FER1L5: variants seen among roughly 807,000 people sequenced by gnomAD.
FER1L5 encodes fer-1 like family member 5.
FER1L5 carries 187 observed loss-of-function variants against 279.9 expected under a neutral mutation model. That is an observed-to-expected ratio of 0.67 (90% CI 0.59 to 0.75). The LOEUF (loss-of-function observed/expected upper bound fraction) is 0.75, where lower values mean the gene tolerates loss of function less well. Ranked by LOEUF, FER1L5 falls within the 30% of genes least tolerant of loss-of-function variation. The pLI is 0.00. For missense variants in FER1L5, 2,091 were observed against 2,594.4 expected, an observed-to-expected ratio of 0.81 and a Z score of 4.21; for synonymous variants, 921 against 989.7, an observed-to-expected ratio of 0.93 and a Z score of 1.30.
In FER1L5 at chr2:96,703,087, T is replaced by G; in HGVS notation, c.5497+10T>G. 2 of 1,613,774 alleles carry G rather than the reference T, an allele frequency of 1.2e-6. No homozygotes were observed. Among genetic ancestry groups the G allele is most frequent in the Non-Finnish European group, 1.7e-6 (2 of 1,179,776 alleles). On this transcript the variant is annotated intron_variant, in intron 49 of 52. Coordinates refer to ENST00000624922, the MANE Select transcript of FER1L5 (RefSeq NM_001293083.2). ...CCCGACGACTTCCTAGGTGAGGTCC[T>G]GACACAGGGCTTGTGACCACAGGAC...
Position 96,703,314 on chromosome 2 carries a change from C to A in FER1L5, c.5659C>A (p.Gln1887Lys). The change falls in exon 50 of 53, where the codon CAG (glutamine) becomes AAG (lysine). Residue 1887 changes from glutamine to lysine, a missense_variant. Transcript: ENST00000624922. ...GACTGTGACTGGCTGGTGGCCTTGCCAGGTCCTCGATGGTGGCAAATGGCG... is the reference window on the plus strand; with the variant it reads ...GACTGTGACTGGCTGGTGGCCTTGCAAGGTCCTCGATGGTGGCAAATGGCG... The part of the protein sequence containing the change: ...KKTVTGWWPC[Q>K]VLDGGKWRLS... 1 of 1,612,670 alleles carries A rather than the reference C, an allele frequency of 6.2e-7. No homozygotes were observed. Among genetic ancestry groups the A allele is most frequent in the Non-Finnish European group, 8.5e-7 (1 of 1,179,282 alleles).
chr2:96,663,727 T>G (rs2076031291), intron 14 of FER1L5, among the ~76,000 whole-genome samples: 1 of 152,180 alleles, frequency 6.6e-6, no homozygotes, highest in Non-Finnish European at 1.5e-5. Flanking sequence ...GTCAATGGTA[T>G]GTATGACTTG....
chr2:96,685,280 G>A (rs1345359381), intron 20 of FER1L5, 49 bp from the exon 21 acceptor site: 1 of 1,507,296 alleles, frequency 6.6e-7, no homozygotes, highest in Non-Finnish European at 9.0e-7. Flanking sequence ...TGTCCAGCTG[G>A]GCTCCATGCT....
intron 17 of FER1L5, 125 bp downstream of exon 17, chr2:96,669,262 C>T (rs555099571): frequency 6.9e-5 from 63 of 910,948 alleles, no homozygotes; most frequent in Admixed American, 1.4e-4. Flanking sequence ...TTGTGGAGGA[C>T]GTGAAGCCTG....
intron 26 of FER1L5, 65 bp from the exon 27 acceptor site, chr2:96,690,422 A>C (rs567476109): frequency 7.0e-7 from 1 of 1,426,412 alleles, no homozygotes; most frequent in Admixed American, 2.0e-5. Flanking sequence ...GTGTGGGAAG[A>C]GGGAGGGAGG....
intron 14 of FER1L5, among the ~76,000 whole-genome samples, chr2:96,668,073 C>T (rs2076191749): frequency 6.6e-6 from 1 of 151,746 alleles, no homozygotes; most frequent in South Asian, 2.1e-4. Context: ...GTTGCCCAGG[C>T]TGCTCAAGTG....
intron 4 of FER1L5, 99 bp from the exon 5 acceptor site, chr2:96,649,524 G>A: frequency 8.9e-7 from 1 of 1,129,208 alleles, no homozygotes; most frequent in East Asian, 2.6e-5. Context: ...CCCCCACCAG[G>A]AGGACCAGGT....
intron 18 of FER1L5, among the ~76,000 whole-genome samples, chr2:96,670,506 G>A (rs896328560): frequency 1.8e-4 from 27 of 152,162 alleles, no homozygotes; most frequent in African/African-American, 6.0e-4. Flanking sequence ...GGCAAGGTGC[G>A]GTGGCTCACG....
chr2:96,642,835 A>C lies in FER1L5; in HGVS notation c.-2A>C. ...AAGGAGGGAAGAAAGTAGGTCTCCG[A>C]GATGCTGCGGCTTGTGGTGCAGTCG... is the stretch of plus-strand genomic sequence containing the variant. On this transcript the variant is annotated 5_prime_UTR_variant, in exon 1 of 53. Coordinates refer to ENST00000624922, the MANE Select transcript of FER1L5 (RefSeq NM_001293083.2). The C allele has an allele frequency of 1.3e-6, 2 of 1,550,638 alleles. No homozygotes were observed. The highest frequency in any genetic ancestry group is 1.2e-5 in the South Asian group (1 of 83,908).
At chr2:96,687,712 C>G in intron 23 of FER1L5, 104 bp from the exon 24 acceptor site, 1 of 1,491,974 alleles carries the variant, frequency 6.7e-7, no homozygotes, top group Non-Finnish European at 9.0e-7. Flanking sequence ...GCCCCGCTCC[C>G]AGGGCTCAGG....
At chr2:96,696,205 A>G in intron 37 of FER1L5, 128 bp downstream of exon 37, 1 of 1,169,656 alleles carries the variant, frequency 8.5e-7, no homozygotes, top group African/African-American at 1.5e-5. Flanking sequence ...CTCGCTCTGT[A>G]GGGTCCTCAG....
intron 51 of FER1L5, 69 bp downstream of exon 51, chr2:96,703,701 G>T (rs764635082): frequency 1.3e-4 from 184 of 1,424,352 alleles, no homozygotes; most frequent in Non-Finnish European, 1.8e-4. Context: ...GGTGACCAGT[G>T]GGCCTATCAT....
chr2:96,665,740 C>A (rs1192500549), intron 14 of FER1L5, among the ~76,000 whole-genome samples: 1 of 152,056 alleles, frequency 6.6e-6, no homozygotes, highest in African/African-American at 2.4e-5. Flanking sequence ...TGCCTACCAC[C>A]AAGCCTGGCT....
rs1252321982 is a variant in FER1L5 at position 96,691,320 on chromosome 2, C to A, written c.2874C>A (p.Ser958Arg). ...GCTTCAGGAACCATGGGGAGCTGAG[C>A]CACGAGCAGGAGACCCTCTCCTTCC... The part of the protein sequence containing the change: ...RVRFRNHGEL[S>R]HEQETLSFLQ... The change falls in exon 28 of 53, where the codon AGC (serine) becomes AGA (arginine). Residue 958 changes from serine (S) to arginine (R), a missense_variant. Transcript: ENST00000624922. The surrounding 1 kb of genome is among the most constrained non-coding windows in gnomAD (Gnocchi z 6.0). 6.5e-7 allele frequency: 1 copy of A among 1,550,208 alleles called. No homozygotes were observed. Among genetic ancestry groups the A allele is most frequent in the African/African-American group, 1.4e-5 (1 of 73,044 alleles).
At chr2:96,671,472 G>A (rs991538198) in intron 18 of FER1L5, among the ~76,000 whole-genome samples, 4 of 152,200 alleles carry the variant, frequency 2.6e-5, no homozygotes, top group African/African-American at 7.2e-5. Context: ...CATGGGTGAC[G>A]AGGTGGTCAG....
rs1235794017 is a variant in FER1L5, at chr2:96,691,961, A to G, written c.3212A>G (p.Asn1071Ser). 7 of 1,527,484 alleles carry G rather than the reference A, an allele frequency of 4.6e-6. No individual in the cohort carries two copies. Among genetic ancestry groups the G allele is most frequent in the Non-Finnish European group, 5.3e-6 (6 of 1,135,974 alleles). The allele number at this position is 1,527,484 out of a possible 1,614,324, so 94.6% of individuals were successfully genotyped here. The change falls in exon 30 of 53, where the codon AAT becomes AGT. Residue 1071 changes from asparagine to serine, a missense_variant and splice_region_variant. Transcript: ENST00000624922. This position sits in a 1 kb window ranked among gnomAD's most constrained non-coding sequence, Gnocchi z 6.0. The part of the protein sequence containing the change: ...PNLPFIYCTF[N>S]KPHYYQLFCY... ...TTGCCCTTCATCTACTGCACCTTCA[A>G]TAGTAAGCACTGACTTGGGAGTCTA...
chr2:96,683,760 T>A (rs554024870), intron 19 of FER1L5, among the ~76,000 whole-genome samples: 1 of 152,350 alleles, frequency 6.6e-6, no homozygotes, highest in African/African-American at 2.4e-5. Flanking sequence ...ATTTTCTGCA[T>A]GTTAAATGTT....
intron 9 of FER1L5, among the ~76,000 whole-genome samples, chr2:96,659,365 CTTTCTTTCTTTCTTT>C (rs2075787637): frequency 1.5e-4 from 2 of 13,692 alleles, no homozygotes; most frequent in African/African-American, 1.0e-3. Flanking sequence ...TTCCTTCCTT[CTTTCTTTCTTTCTTT>C]CTTTCTTTCT....
chr2:96,659,290 T>TGCCTGCCTTCCTTCCTTCC lies in FER1L5; in HGVS notation c.748-1051_748-1050insGCCTGCCTTCCTTCCTTCC, dbSNP rs2075732527. On this transcript the variant is annotated intron_variant, in intron 9 of 52. Coordinates refer to ENST00000624922, the MANE Select transcript of FER1L5 (RefSeq NM_001293083.2). ...TTTGATGAAGTCCAATTTATCAAGC[T>TGCCTGCCTTCCTTCCTTCC]TTCCTTCCTTCCTTCCTTCCTTCCT... Among the ~76,000 whole-genome samples the TGCCTGCCTTCCTTCCTTCC allele has an allele frequency of 9.9e-5, 8 of 81,030 alleles. No homozygotes were observed. In the East Asian group the frequency reaches 2.3e-3, roughly 23 times the overall value. The allele number at this position is 81,030 out of a possible 152,430, so 53.2% of individuals were successfully genotyped here.
Sources: gnomAD v4.1 joint callset for allele counts (sites outside exome capture counted in the v4.1 genomes callset) on GRCh38, gnomAD v4.1.1 for gene constraint, Gnocchi (gnomAD v3.1) non-coding constraint, MANE v1.5 for transcripts, NCBI Gene and HGNC (gene_info 2026-07-23, HGNC 2026-07-21) for gene names.